ANKRD28: variants seen among roughly 807,000 people sequenced by gnomAD.
The protein encoded by ANKRD28 is ankyrin repeat domain 28.
ANKRD28 carries 44 observed loss-of-function variants against 126.5 expected under a neutral mutation model. That is an observed-to-expected ratio of 0.35 (90% confidence interval 0.27 to 0.45). The LOEUF (loss-of-function observed/expected upper bound fraction) is 0.45, where lower values mean the gene tolerates loss of function less well. Ranked by LOEUF, ANKRD28 falls within the 20% of genes least tolerant of loss-of-function variation. The pLI, the probability that ANKRD28 is intolerant of heterozygous loss-of-function variation, is 1.00. For synonymous variants in ANKRD28, 442 were observed against 468.5 expected, an observed-to-expected ratio of 0.94 and a Z score of 0.73; for missense variants, 1,110 against 1,316.6, an observed-to-expected ratio of 0.84 and a Z score of 2.43.
chr3:15,831,822 A>G (rs945691303), intron 1 of ANKRD28, among the ~76,000 whole-genome samples: 5 of 152,224 alleles, frequency 3.3e-5, no homozygotes, highest in Non-Finnish European at 5.9e-5. Flanking sequence ...CAGATTACCA[A>G]TTTCAAGAGA....
At chr3:15,794,014 G>T (rs1219813997) in intron 2 of ANKRD28, among the ~76,000 whole-genome samples, 2 of 152,172 alleles carry the variant, frequency 1.3e-5, no homozygotes, top group Non-Finnish European at 2.9e-5. Context: ...AGGTTGCAGT[G>T]AGCGGAGATC....
intron 21 of ANKRD28, 28 bp from the exon 22 acceptor site, chr3:15,679,591 A>G (rs770485912): frequency 6.4e-7 from 1 of 1,573,634 alleles, no homozygotes; most frequent in Admixed American, 1.8e-5. Flanking sequence ...ACCAGGTATT[A>G]AAATTCAAAG....
intron 1 of ANKRD28, among the ~76,000 whole-genome samples, chr3:15,823,318 G>C (rs1028237148): frequency 5.3e-5 from 8 of 152,204 alleles, no homozygotes; most frequent in Admixed American, 3.3e-4. Flanking sequence ...CTCACCTCCT[G>C]CTGTGCAGCC....
At chr3:15,758,822 G>A (rs1201019124) in intron 3 of ANKRD28, among the ~76,000 whole-genome samples, 1 of 152,180 alleles carries the variant, frequency 6.6e-6, no homozygotes, top group Non-Finnish European at 1.5e-5. Context: ...AAAAAGAAGA[G>A]ACACATACTT....
intron 2 of ANKRD28, among the ~76,000 whole-genome samples, chr3:15,768,843 A>C (rs1343143336): frequency 1.3e-5 from 2 of 152,160 alleles, no homozygotes; most frequent in African/African-American, 4.8e-5. Context: ...TCTTTCTCTC[A>C]CCACAATTAG....
At position 15,677,476 on chromosome 3, in the gene ANKRD28, A is replaced by C. The variant is rs776492974; in HGVS notation, c.2790+4T>G. On this transcript the variant is annotated splice_donor_region_variant and intron_variant, in intron 25 of 27. Transcript: ENST00000683139. ...GGAAACATATTCTTAAGATGTATAC[A>C]TACCTTGCTACAAGCCAAATGGAGG... 1 of 1,603,928 alleles carries C rather than the reference A, an allele frequency of 6.2e-7. No homozygotes were observed. The highest frequency in any genetic ancestry group is 8.5e-7 in the Non-Finnish European group (1 of 1,170,996).
intron 3 of ANKRD28, among the ~76,000 whole-genome samples, chr3:15,755,642 G>A (rs2058111919): frequency 6.6e-6 from 1 of 152,192 alleles, no homozygotes; most frequent in African/African-American, 2.4e-5. Context: ...TGGAGATACA[G>A]GGGAGGCAGG....
In ANKRD28 at chr3:15,795,300, G is replaced by C; in HGVS notation, c.124C>G (p.Leu42Val). ...SPPSGNVLPS[L>V]VQAIFNGDPD... Reference sequence around the variant, plus strand: ...TCTCCGTTAAATATAGCTTGCACCAGTGATGGCTAAAATAGAAGAGAGTAA... The same window carrying C: ...TCTCCGTTAAATATAGCTTGCACCACTGATGGCTAAAATAGAAGAGAGTAA... The change falls in exon 2 of 28, where the codon CTG becomes GTG. Residue 42 changes from leucine to valine, a missense_variant. By Grantham distance (32) the Leu-to-Val change is conservative (BLOSUM62 1). Transcript: ENST00000683139. 1.2e-6 allele frequency: 2 copies of C among 1,607,390 alleles called. No homozygotes were observed. Among genetic ancestry groups the C allele is most frequent in the Non-Finnish European group, 8.5e-7 (1 of 1,174,204 alleles).
chr3:15,724,703 G>A (rs1177204860), intron 6 of ANKRD28, among the ~76,000 whole-genome samples, 179 bp from the exon 7 acceptor site: 5 of 152,274 alleles, frequency 3.3e-5, no homozygotes, highest in South Asian at 2.1e-4. Context: ...TTAGGGGTGG[G>A]CATAATGGCT....
rs898638470 is a variant in ANKRD28 at position 15,741,807 on chromosome 3, C to T, written c.352-4574G>A. ...GGGCTTAACATATTTGCAGGTACTG[C>T]TGCCATCTCAGCTCACTGCAGCCTC... On this transcript the variant is annotated intron_variant, in intron 4 of 27. Coordinates refer to ENST00000683139, the MANE Select transcript of ANKRD28 (RefSeq NM_001349278.2). Among the ~76,000 whole-genome samples the T allele has an allele frequency of 6.9e-5, 10 of 145,712 alleles. No homozygotes were observed. In the East Asian group the frequency reaches 1.8e-3, roughly 27 times the overall value.
chr3:15,734,533 T>C (rs375501298), intron 6 of ANKRD28, among the ~76,000 whole-genome samples: 9 of 152,202 alleles, frequency 5.9e-5, no homozygotes, highest in East Asian at 5.8e-4. Flanking sequence ...AAAAAAGCCC[T>C]GAGCTCTATG....
intron 1 of ANKRD28, among the ~76,000 whole-genome samples, chr3:15,834,196 T>C (rs2061271363): frequency 6.6e-6 from 1 of 152,188 alleles, no homozygotes; most frequent in South Asian, 2.1e-4. Flanking sequence ...GTTTCAGGTC[T>C]TATGTTTAGC....
chr3:15,707,248 C>T (rs1011118635), intron 14 of ANKRD28, among the ~76,000 whole-genome samples: 3 of 118,424 alleles, frequency 2.5e-5, no homozygotes, highest in Non-Finnish European at 4.1e-5. Flanking sequence ...AGTTTATTTT[C>T]GTGCAAGAAG....
intron 14 of ANKRD28, among the ~76,000 whole-genome samples, chr3:15,703,778 G>T (rs957038392): frequency 1.3e-5 from 2 of 152,186 alleles, no homozygotes; most frequent in Non-Finnish European, 2.9e-5. Flanking sequence ...AATGGATAGA[G>T]GACGGAAGAG....
intron 1 of ANKRD28, among the ~76,000 whole-genome samples, chr3:15,850,485 A>G (rs2061629360): frequency 6.6e-6 from 1 of 151,968 alleles, no homozygotes; most frequent in Non-Finnish European, 1.5e-5. Flanking sequence ...CACTAAGGGG[A>G]AGTCCTTCCT....
chr3:15,716,993 C>A (rs542109037), intron 8 of ANKRD28, among the ~76,000 whole-genome samples: 1 of 152,222 alleles, frequency 6.6e-6, no homozygotes, highest in South Asian at 2.1e-4. Flanking sequence ...AAGCCAAAAC[C>A]AAATCTACTT....
intron 4 of ANKRD28, among the ~76,000 whole-genome samples, chr3:15,744,310 G>A (rs1449947202): frequency 6.6e-6 from 1 of 151,866 alleles, no homozygotes; most frequent in Non-Finnish European, 1.5e-5. Flanking sequence ...GTAATTTTTA[G>A]TTATCTTTTT....
intron 6 of ANKRD28, among the ~76,000 whole-genome samples, chr3:15,733,743 T>A (rs141817645): frequency 7.9e-4 from 120 of 152,312 alleles, no homozygotes; most frequent in African/African-American, 2.8e-3. Context: ...GTTTTGTACA[T>A]CACAATCTTC....
At chr3:15,751,947 C>A in intron 3 of ANKRD28, 127 bp from the exon 4 acceptor site, 1 of 598,396 alleles carries the variant, frequency 1.7e-6, no homozygotes, top group Non-Finnish European at 2.8e-6. Flanking sequence ...TTATTTTTTA[C>A]ACTTTCTGCT....
Sources: allele counts gnomAD v4.1 joint callset (sites outside exome capture counted in the v4.1 genomes callset), GRCh38; gene constraint gnomAD v4.1.1; transcripts MANE v1.5; gene names NCBI Gene and HGNC (gene_info 2026-07-23, HGNC 2026-07-21).